The following SLC39A12 variants were observed in gnomAD, a reference collection of about 807,000 sequenced individuals.
SLC39A12 encodes zinc transporter ZIP12.
Under a neutral mutation model 71.1 loss-of-function variants are expected in SLC39A12, and 63 were observed. The ratio of observed to expected loss-of-function variants is 0.89; its 90% CI spans 0.72 to 1.09. SLC39A12 has a LOEUF of 1.09. SLC39A12 is among the 50% of genes least tolerant of loss of function. The pLI is 0.00. For missense variants in SLC39A12, 892 were observed against 812.6 expected, an observed-to-expected ratio of 1.10 and a Z score of -1.19; for synonymous variants, 351 against 301.3, an observed-to-expected ratio of 1.16 and a Z score of -1.71.
Position 17,961,855 on chromosome 10 carries a change from A to G in SLC39A12, c.536A>G (p.Gln179Arg), listed in dbSNP as rs781884801. ...ACCAGGCAGTACTTTGACACTTCTC[A>G]AAGCCAGGTAAGAAGGCAAAATTGC... ...AFTRQYFDTSQSQCMETKTLQ... is the reference protein window; with the variant it reads ...AFTRQYFDTSRSQCMETKTLQ... The change falls in exon 3 of 13, where the codon CAA becomes CGA. Residue 179 changes from glutamine (Q) to arginine (R), a missense_variant. By Grantham distance (43) the Gln-to-Arg change is conservative. Transcript: ENST00000377369. 4 of 1,608,928 alleles carry G rather than the reference A, an allele frequency of 2.5e-6. No homozygotes were observed. In the African/African-American group the frequency reaches 4.0e-5, roughly 16 times the overall value.
intron 12 of SLC39A12, among the ~76,000 whole-genome samples, chr10:18,012,349 G>C (rs1007143832): frequency 8.5e-5 from 13 of 152,180 alleles, no homozygotes; most frequent in Non-Finnish European, 1.6e-4. Context: ...AAACATTCCA[G>C]AGAAGATTTT....
chr10:17,997,929 G>T (rs1446203172), intron 10 of SLC39A12, among the ~76,000 whole-genome samples: 1 of 152,164 alleles, frequency 6.6e-6, no homozygotes. Flanking sequence ...ATGAATAGAG[G>T]TAAAATATTA....
intron 2 of SLC39A12, among the ~76,000 whole-genome samples, chr10:17,960,025 G>T (rs1834647235): frequency 6.6e-6 from 1 of 152,160 alleles, no homozygotes; most frequent in Non-Finnish European, 1.5e-5. Context: ...CCAAAGAAGT[G>T]GTTAGACCCA....
chr10:17,969,030 G>A (rs1436989358), intron 4 of SLC39A12, among the ~76,000 whole-genome samples: 1 of 152,136 alleles, frequency 6.6e-6, no homozygotes, highest in East Asian at 1.9e-4. Context: ...AAATAAGTGA[G>A]AATATGCAAT....
intron 2 of SLC39A12, among the ~76,000 whole-genome samples, chr10:17,955,102 C>A (rs1332594045): frequency 2.6e-5 from 4 of 152,152 alleles, no homozygotes; most frequent in African/African-American, 9.7e-5. Flanking sequence ...GGGGAATGTT[C>A]TCCTTTAATG....
At chr10:17,980,957 G>A (rs1165012893) in intron 5 of SLC39A12, among the ~76,000 whole-genome samples, 3 of 152,056 alleles carry the variant, frequency 2.0e-5, no homozygotes, top group Non-Finnish European at 4.4e-5. Flanking sequence ...TTAACACAAA[G>A]CTATCCTCAT....
rs1227612870 is a variant in SLC39A12, at chr10:17,981,427, G to A, written c.1040G>A (p.Cys347Tyr). The change falls in exon 6 of 13, where the codon TGC becomes TAC. Residue 347 changes from cysteine to tyrosine, a missense_variant. Physicochemically the swap from Cys to Tyr is radical, Grantham distance 194 (BLOSUM62 -2). Transcript: ENST00000377369. Reference protein sequence around the residue: ...SPGIIQQLLSCSCHLPKDQQA... With the variant: ...SPGIIQQLLSYSCHLPKDQQA... ...GGGATCATCCAGCAGCTCCTCAGCT[G>A]CTCCTGCCACTTACCCAAGGACCAA... 6.2e-7 allele frequency: 1 copy of A among 1,613,796 alleles called. No individual in the cohort carries two copies.
intron 9 of SLC39A12, among the ~76,000 whole-genome samples, chr10:17,995,289 A>G (rs139476711): frequency 6.6e-6 from 1 of 152,332 alleles, no homozygotes; most frequent in African/African-American, 2.4e-5. Context: ...TCCACAATCC[A>G]CCATACAGGA....
intron 10 of SLC39A12, 21 bp downstream of exon 10, chr10:17,995,743 T>A (rs752986244): frequency 6.2e-7 from 1 of 1,602,088 alleles, no homozygotes; most frequent in Non-Finnish European, 8.5e-7. Context: ...AGCTAAACTT[T>A]ACATGTGGAA....
rs182854667 is a variant in SLC39A12, at chr10:18,013,997, A to T, written c.1947+10639A>T. 4.1e-4 allele frequency among the ~76,000 whole-genome samples: 62 copies of T among 152,206 alleles called. 2 individuals are homozygous for T. Among genetic ancestry groups the T allele is most frequent in the Admixed American group, 3.6e-3 (55 of 15,282 alleles). On this transcript the variant is annotated intron_variant, in intron 12 of 12. Coordinates refer to ENST00000377369, the MANE Select transcript of SLC39A12 (RefSeq NM_001145195.2). Reference sequence around the variant, plus strand: ...TTTAGGGTTAATTTTTCTATTTTTTAAAAAAAGTGATTGGGATTTTGGTAG... The same window carrying T: ...TTTAGGGTTAATTTTTCTATTTTTTTAAAAAAGTGATTGGGATTTTGGTAG...
chr10:18,041,665 GTA>G lies in SLC39A12; in HGVS notation c.1948-1032_1948-1031del, dbSNP rs35483679. 6.0e-3 allele frequency among the ~76,000 whole-genome samples: 177 copies of G among 29,498 alleles called. 6 individuals are homozygous for G. The highest frequency in any genetic ancestry group is 0.013 in the African/African-American group (122 of 9,644). The allele number at this position is 29,498 out of a possible 152,430, so 19.4% of individuals were successfully genotyped here. A position where few individuals can be genotyped will look rare whatever the true frequency, so the allele number is the denominator to read the frequency against. On this transcript the variant is annotated intron_variant, in intron 12 of 12. Coordinates refer to ENST00000377369, the MANE Select transcript of SLC39A12 (RefSeq NM_001145195.2). ...TATGTATATACATATGTATATATGT[GTA>G]TATATATGTATATACATATGTATAT...
Position 18,041,582 on chromosome 10 carries a change from A to ATGTGTATATATATG in SLC39A12, c.1948-1123_1948-1122insTGTGTATATATATG, listed in dbSNP as rs1380382887. ...CGCACACATACACACACACATACAT[A>ATGTGTATATATATG]CACACACCATATATATGTGTATATA... is the stretch of plus-strand genomic sequence containing the variant. On this transcript the variant is annotated intron_variant, in intron 12 of 12. Transcript: ENST00000377369. Among the ~76,000 whole-genome samples, 25 of 135,664 alleles carry ATGTGTATATATATG rather than the reference A, an allele frequency of 1.8e-4. 1 individual carries two copies. Among genetic ancestry groups the ATGTGTATATATATG allele is most frequent in the African/African-American group, 6.3e-4 (22 of 35,116 alleles). 89.0% of individuals were successfully genotyped at this position (135,664 alleles called of 152,430 possible).
At chr10:17,993,544 C>T (rs2074029514) in intron 9 of SLC39A12, among the ~76,000 whole-genome samples, 1 of 152,232 alleles carries the variant, frequency 6.6e-6, no homozygotes, top group African/African-American at 2.4e-5. Flanking sequence ...ATCAGACTGA[C>T]ATCATAGACA....
intron 12 of SLC39A12, among the ~76,000 whole-genome samples, chr10:18,034,961 T>G (rs1327244677): frequency 1.3e-5 from 2 of 152,002 alleles, no homozygotes; most frequent in Admixed American, 6.6e-5. Context: ...TCTTTAAGAA[T>G]GTTGAATATT....
intron 2 of SLC39A12, among the ~76,000 whole-genome samples, chr10:17,956,233 G>A (rs1399816292): frequency 6.6e-6 from 1 of 152,080 alleles, no homozygotes; most frequent in Non-Finnish European, 1.5e-5. Flanking sequence ...AAATCTCTGA[G>A]AATCATGTGG....
chr10:18,004,567 G>A (rs1188692118), intron 12 of SLC39A12, among the ~76,000 whole-genome samples: 2 of 152,174 alleles, frequency 1.3e-5, no homozygotes, highest in Non-Finnish European at 2.9e-5. Flanking sequence ...AGGCTCCTGA[G>A]TTTCCGGATG....
At chr10:17,986,602 C>G (rs556889904) in intron 6 of SLC39A12, among the ~76,000 whole-genome samples, 3 of 152,320 alleles carry the variant, frequency 2.0e-5, no homozygotes, top group South Asian at 2.1e-4. Context: ...TACCACCCAC[C>G]ACCTTGGTGG....
At chr10:17,990,612 C>T (rs568887797) in intron 7 of SLC39A12, among the ~76,000 whole-genome samples, 1 of 152,150 alleles carries the variant, frequency 6.6e-6, no homozygotes, top group East Asian at 1.9e-4. Flanking sequence ...TTTTGTGTCC[C>T]AGAGACCTGA....
chr10:17,962,230 T>A (rs1345228966), intron 3 of SLC39A12, among the ~76,000 whole-genome samples: 4 of 152,210 alleles, frequency 2.6e-5, no homozygotes, highest in African/African-American at 9.6e-5. Flanking sequence ...TGCCTTGCCT[T>A]CTGGCTGCGA....
Sources: allele counts gnomAD v4.1 joint callset (sites outside exome capture counted in the v4.1 genomes callset), GRCh38; gene constraint gnomAD v4.1.1; transcripts MANE v1.5; gene names NCBI Gene and HGNC (gene_info 2026-07-23, HGNC 2026-07-21).